Variants in ZNF264 observed in about 807,000 individuals in gnomAD.
ZNF264 encodes the protein zinc finger protein 264.
A neutral mutation model predicts 11.2 loss-of-function variants in ZNF264; 11 were observed. That is an observed-to-expected ratio of 0.98 (90% confidence interval 0.62 to 1.63). The LOEUF is 1.63. ZNF264 is among the 40% of genes most tolerant of loss of function. The pLI is 0.00. For synonymous variants in ZNF264, 309 were observed against 279.8 expected (o/e 1.10, Z -1.04); for missense variants, 752 against 768.1 (o/e 0.98, Z 0.25).
intron 3 of ZNF264, among the ~76,000 whole-genome samples, chr19:57,206,388 C>T (rs1344321968): frequency 5.9e-5 from 9 of 151,840 alleles, no homozygotes; most frequent in African/African-American, 2.2e-4. Flanking sequence ...GGACTACAGG[C>T]GCCCGCCACC....
At chr19:57,192,461 A>G (rs1399732959) in intron 1 of ZNF264, 4 of 985,378 alleles carry the variant, frequency 4.1e-6, no homozygotes, top group Non-Finnish European at 4.8e-6. Context: ...CCTTACTCTC[A>G]TCGCTACAGC....
intron 1 of ZNF264, chr19:57,192,237 C>A: frequency 1.5e-6 from 1 of 667,876 alleles, no homozygotes; most frequent in Non-Finnish European, 1.9e-6. Context: ...GAATTGGGGG[C>A]CTGAGGGGGG....
intron 3 of ZNF264, among the ~76,000 whole-genome samples, chr19:57,207,347 T>C (rs1317912375): frequency 6.6e-6 from 1 of 152,178 alleles, no homozygotes; most frequent in African/African-American, 2.4e-5. Flanking sequence ...CTTGTATTGC[T>C]TGATCAGCAG....
intron 3 of ZNF264, among the ~76,000 whole-genome samples, chr19:57,210,737 C>T (rs757734868): frequency 2.0e-5 from 3 of 152,170 alleles, no homozygotes; most frequent in South Asian, 4.1e-4. Context: ...CTTCTAATCA[C>T]GTGGTTTAGC....
chr19:57,205,571 G>A (rs2122753727), intron 3 of ZNF264, 79 bp downstream of exon 3: 2 of 1,306,248 alleles, frequency 1.5e-6, no homozygotes, highest in Non-Finnish European at 1.1e-6. Flanking sequence ...GGAATCTCTT[G>A]GGAAGCTTCT....
chr19:57,199,315 A>G (rs140686796), intron 2 of ZNF264, among the ~76,000 whole-genome samples: 2 of 152,080 alleles, frequency 1.3e-5, no homozygotes, highest in African/African-American at 4.8e-5. Flanking sequence ...TCTATTTTGC[A>G]AGCCATTGGT....
In ZNF264 at chr19:57,205,458, C is replaced by A; in HGVS notation, c.222C>A (p.Thr74=). 7 of 1,612,268 alleles carry A rather than the reference C, an allele frequency of 4.3e-6. No individual in the cohort carries two copies. Among genetic ancestry groups the A allele is most frequent in the Non-Finnish European group, 5.9e-6 (7 of 1,179,286 alleles). ...TAGAGCATGGGCAGGAGCCATGGAC[C>A]AGGAAGGAAGACCTCTCCCAAGACA... is the stretch of plus-strand genomic sequence containing the variant. ...CHLEHGQEPW[T]RKEDLSQDTC... Residue 74 remains threonine (T), a synonymous_variant, in exon 3 of 4, where the codon ACC becomes ACA. Coordinates refer to ENST00000263095, the MANE Select transcript of ZNF264 (RefSeq NM_003417.5).
At chr19:57,193,035 G>C (rs1048134951) in intron 1 of ZNF264, among the ~76,000 whole-genome samples, 1 of 151,928 alleles carries the variant, frequency 6.6e-6, no homozygotes, top group African/African-American at 2.4e-5. Flanking sequence ...CCGGCCCACA[G>C]ATACGTTTTT....
chr19:57,201,674 G>C (rs572616866), intron 2 of ZNF264, among the ~76,000 whole-genome samples: 2 of 151,920 alleles, frequency 1.3e-5, no homozygotes, highest in East Asian at 1.9e-4. Flanking sequence ...CTGCCCTTGC[G>C]TATCTAGACT....
chr19:57,211,432 A>G lies in ZNF264; in HGVS notation c.335A>G (p.Gln112Arg). 6.2e-7 allele frequency: 1 copy of G among 1,614,174 alleles called. No homozygotes were observed. The stretch of plus-strand genomic sequence containing the variant: ...TCAGAGGGAATCTCACTTCAGGGAC[A>G]AGTGACACAAGGAAACTCAGTGGAC... Reference protein sequence around the residue: ...ALSEGISLQGQVTQGNSVDSQ... With the variant: ...ALSEGISLQGRVTQGNSVDSQ... The change falls in exon 4 of 4, where the codon CAA becomes CGA. Residue 112 changes from glutamine (Q) to arginine (R), a missense_variant. Physicochemically the swap from Gln to Arg is conservative, Grantham distance 43 (BLOSUM62 1). Transcript: ENST00000263095.
Position 57,213,496 on chromosome 19 carries a change from G to T in ZNF264, c.*515G>T, listed in dbSNP as rs568446023. 3.9e-5 allele frequency: 6 copies of T among 152,890 alleles called. No individual in the cohort carries two copies. The South Asian group carries it at 1.2e-3, about 31-fold the overall frequency. The allele number at this position is 152,890 out of a possible 1,614,324, so 9.5% of individuals were successfully genotyped here. On this transcript the variant is annotated 3_prime_UTR_variant, in exon 4 of 4. Transcript: ENST00000263095. ...AAATACTCACGTTTAAGTCAGTAAG[G>T]ATACACATGTTAACATTCAGGCTTT...
Position 57,211,384 on chromosome 19 carries a change from C to G in ZNF264, c.287C>G (p.Pro96Arg), listed in dbSNP as rs1301148360. 6.2e-7 allele frequency: 1 copy of G among 1,613,738 alleles called. No homozygotes were observed. The highest frequency in any genetic ancestry group is 8.5e-7 in the Non-Finnish European group (1 of 1,179,784). Residue 96 changes from proline (P) to arginine (R), a missense_variant, in exon 4 of 4, where the codon CCT becomes CGT. Pro to Arg is a moderately radical substitution (Grantham distance 103). Transcript: ENST00000263095. ...AAAGGAAAACCTAAGACCACAGAAC[C>G]TACCACTTGTGAGCCAGCCTTGTCA... ...GDKGKPKTTE[P>R]TTCEPALSEG...
At chr19:57,198,621 C>A (rs2087229593) in intron 2 of ZNF264, among the ~76,000 whole-genome samples, 1 of 151,730 alleles carries the variant, frequency 6.6e-6, no homozygotes, top group African/African-American at 2.4e-5. Flanking sequence ...GTAAGTCAGG[C>A]CTGAGCTAAA....
rs879250174 is a variant in ZNF264, at chr19:57,219,157, CAA to C, written c.*6189_*6190del. 3.6e-5 allele frequency: 5 copies of C among 139,452 alleles called. No individual in the cohort carries two copies. Among genetic ancestry groups the C allele is most frequent in the Non-Finnish European group, 6.3e-5 (4 of 63,890 alleles). 8.6% of individuals were successfully genotyped at this position (139,452 alleles called of 1,614,324 possible). ...TGGGCAACAGAGCGAGACTCCATCTCAAAAAAAAAAAAAATTCTCTAGCTCTC... is the reference window on the plus strand; with the variant it reads ...TGGGCAACAGAGCGAGACTCCATCTCAAAAAAAAAAAATTCTCTAGCTCTC... On this transcript the variant is annotated 3_prime_UTR_variant, in exon 4 of 4. Coordinates refer to ENST00000263095, the MANE Select transcript of ZNF264 (RefSeq NM_003417.5).
Position 57,191,773 on chromosome 19 carries a change from G to C in ZNF264, c.-141G>C, listed in dbSNP as rs1325211090. The stretch of plus-strand genomic sequence containing the variant: ...CGAGGAGGCGGCGGCCCTGCGTCTG[G>C]AACGCCGTTGCCACCGAGGAGGCGG... On this transcript the variant is annotated 5_prime_UTR_variant, in exon 1 of 4. Transcript: ENST00000263095. 4 of 572,496 alleles carry C rather than the reference G, an allele frequency of 7.0e-6. No homozygotes were observed. The highest frequency in any genetic ancestry group is 3.5e-5 in the East Asian group (1 of 28,702). 35.5% of individuals were successfully genotyped at this position (572,496 alleles called of 1,614,324 possible).
intron 2 of ZNF264, among the ~76,000 whole-genome samples, chr19:57,194,573 A>G (rs1300100496): frequency 3.3e-5 from 5 of 152,332 alleles, no homozygotes; most frequent in South Asian, 2.1e-4. Context: ...TTGGTGTCCA[A>G]TGTTCGAGGG....
intron 3 of ZNF264, among the ~76,000 whole-genome samples, chr19:57,205,917 C>T (rs1320388388): frequency 6.6e-6 from 1 of 152,198 alleles, no homozygotes; most frequent in Non-Finnish European, 1.5e-5. Flanking sequence ...AACTCTTTCC[C>T]ACTCATACCA....
chr19:57,199,784 GCAAA>G (rs1432686619), intron 2 of ZNF264, among the ~76,000 whole-genome samples: 3 of 151,852 alleles, frequency 2.0e-5, no homozygotes, highest in Non-Finnish European at 4.4e-5. Flanking sequence ...AGGTCTAGAA[GCAAA>G]CAAAGGTGTT....
Position 57,193,996 on chromosome 19 carries a change from C to T in ZNF264, c.155C>T (p.Ser52Phe). Reference protein sequence around the residue: ...VMLENCGLLVSLGCPVPKAEL... With the variant: ...VMLENCGLLVFLGCPVPKAEL... ...CTGGAAAACTGTGGGCTCCTGGTGT[C>T]TCTGGGTAAGGCCTTCCTTCCCCCT... Residue 52 changes from serine to phenylalanine, a missense_variant, in exon 2 of 4, where the codon TCT (serine) becomes TTT (phenylalanine). Ser to Phe is a radical substitution (Grantham distance 155, BLOSUM62 -2). Coordinates refer to ENST00000263095, the MANE Select transcript of ZNF264 (RefSeq NM_003417.5). 6.2e-7 allele frequency: 1 copy of T among 1,609,008 alleles called. No individual in the cohort carries two copies. The highest frequency in any genetic ancestry group is 8.5e-7 in the Non-Finnish European group (1 of 1,177,318).
Sources: allele counts gnomAD v4.1 joint callset (sites outside exome capture counted in the v4.1 genomes callset), GRCh38; gene constraint gnomAD v4.1.1; transcripts MANE v1.5; gene names NCBI Gene and HGNC (gene_info 2026-07-23, HGNC 2026-07-21).